The following FOXP1 variants were observed in gnomAD, a reference collection of about 807,000 sequenced individuals.
FOXP1 encodes the protein forkhead box P1.
FOXP1 carries 15 observed loss-of-function variants against 98.2 expected under a neutral mutation model. The observed-to-expected ratio is 0.15, with a 90% CI of 0.10 to 0.24. FOXP1 has a LOEUF of 0.24. FOXP1 is among the 10% of genes least tolerant of loss of function. The pLI, the probability that FOXP1 is intolerant of heterozygous loss-of-function variation, is 1.00. For missense variants in FOXP1, 633 were observed against 848.5 expected (o/e 0.75, Z 3.15); for synonymous variants, 371 against 314.5 (o/e 1.18, Z -1.90).
At chr3:71,271,285 C>T (rs1276900376) in intron 5 of FOXP1, among the ~76,000 whole-genome samples, 3 of 152,100 alleles carry the variant, frequency 2.0e-5, no homozygotes, top group African/African-American at 7.2e-5. Context: ...CTGTGGTAAA[C>T]AAATACAAAT....
chr3:71,428,759 T>C (rs914614778), intron 3 of FOXP1, among the ~76,000 whole-genome samples: 8 of 152,202 alleles, frequency 5.3e-5, no homozygotes, highest in South Asian at 2.1e-4. Context: ...TACAATGAGA[T>C]GTGGCCTGGA....
chr3:71,424,560 G>A (rs2083953827), intron 3 of FOXP1, among the ~76,000 whole-genome samples: 1 of 151,498 alleles, frequency 6.6e-6, no homozygotes, highest in Non-Finnish European at 1.5e-5. Context: ...GGACCACCAT[G>A]CCTAAGAATC....
intron 3 of FOXP1, among the ~76,000 whole-genome samples, chr3:71,370,550 CAG>C (rs1560383494): frequency 6.6e-6 from 1 of 152,186 alleles, no homozygotes; most frequent in Non-Finnish European, 1.5e-5. Flanking sequence ...GGCACTAGAA[CAG>C]AGTCACAAGA....
intron 6 of FOXP1, among the ~76,000 whole-genome samples, chr3:71,118,821 A>C (rs1481143669): frequency 6.6e-6 from 1 of 152,240 alleles, no homozygotes; most frequent in African/African-American, 2.4e-5. Context: ...TACCAATAAA[A>C]TTTTATTTGA....
At chr3:71,502,736 T>C (rs942534088) in intron 2 of FOXP1, among the ~76,000 whole-genome samples, 1 of 152,170 alleles carries the variant, frequency 6.6e-6, no homozygotes, top group African/African-American at 2.4e-5. Context: ...TAAGCCTCAG[T>C]TTCCCCAGTG....
chr3:71,001,403 G>C (rs2042109195), intron 12 of FOXP1, among the ~76,000 whole-genome samples: 1 of 152,210 alleles, frequency 6.6e-6, no homozygotes, highest in Non-Finnish European at 1.5e-5. Flanking sequence ...TATTTCGGAA[G>C]AGTCTAATTT....
At chr3:71,411,314 TGTGTATGTGTGTGTGTGA>T (rs889356029) in intron 3 of FOXP1, among the ~76,000 whole-genome samples, 8 of 140,308 alleles carry the variant, frequency 5.7e-5, no homozygotes, top group African/African-American at 2.1e-4. Context: ...TGTGTGTGTG[TGTGTATGTGTGTGTGTGA>T]GTGACGGAGT....
At chr3:71,069,115 G>A (rs1008148607) in intron 7 of FOXP1, among the ~76,000 whole-genome samples, 1 of 152,166 alleles carries the variant, frequency 6.6e-6, no homozygotes, top group Non-Finnish European at 1.5e-5. Context: ...TTTTTCTTCT[G>A]TGCCTGCAAG....
intron 3 of FOXP1, among the ~76,000 whole-genome samples, chr3:71,450,327 C>G (rs764232561): frequency 6.6e-6 from 1 of 152,214 alleles, no homozygotes; most frequent in Non-Finnish European, 1.5e-5. Context: ...ACTCTACATA[C>G]TGATAAGGAA....
chr3:71,061,445 G>A (rs1394984424), intron 7 of FOXP1, among the ~76,000 whole-genome samples: 2 of 152,044 alleles, frequency 1.3e-5, no homozygotes, highest in East Asian at 3.9e-4. Flanking sequence ...TTCTACTCAA[G>A]CATATATATA....
At chr3:71,460,618 T>C (rs1217643690) in intron 3 of FOXP1, among the ~76,000 whole-genome samples, 2 of 152,072 alleles carry the variant, frequency 1.3e-5, no homozygotes, top group Non-Finnish European at 2.9e-5. Flanking sequence ...TTTTGTATTT[T>C]AGTATACACG....
intron 5 of FOXP1, among the ~76,000 whole-genome samples, chr3:71,274,181 T>C (rs1421203100): frequency 1.3e-5 from 2 of 152,210 alleles, no homozygotes; most frequent in African/African-American, 4.8e-5. Flanking sequence ...TCTGCAGACA[T>C]GTTTTATTCA....
At chr3:71,465,083 G>A (rs992406461) in intron 3 of FOXP1, among the ~76,000 whole-genome samples, 3 of 152,012 alleles carry the variant, frequency 2.0e-5, no homozygotes, top group Admixed American at 6.6e-5. Context: ...CGAGGTAGGC[G>A]GATCACCTGA....
intron 5 of FOXP1, among the ~76,000 whole-genome samples, chr3:71,216,374 G>A (rs2064928199): frequency 6.6e-6 from 1 of 152,224 alleles, no homozygotes; most frequent in African/African-American, 2.4e-5. Context: ...AACAGGTGTA[G>A]ATTTGTGATG....
At chr3:71,062,303 T>C (rs904863287) in intron 7 of FOXP1, among the ~76,000 whole-genome samples, 2 of 152,212 alleles carry the variant, frequency 1.3e-5, no homozygotes, top group African/African-American at 2.4e-5. Context: ...CCCTGTCAAA[T>C]GAAAATTCAG....
At chr3:71,542,012 A>G (rs772046795) in intron 2 of FOXP1, 6 of 534,288 alleles carry the variant, frequency 1.1e-5, no homozygotes, top group South Asian at 2.8e-5. Flanking sequence ...CAATACAAAC[A>G]TGGGCTTTCC....
At chr3:71,216,822 G>T (rs183278515) in intron 5 of FOXP1, among the ~76,000 whole-genome samples, 1 of 152,230 alleles carries the variant, frequency 6.6e-6, no homozygotes, top group East Asian at 1.9e-4. Context: ...TCAACTGATG[G>T]TTAATTGTCC....
intron 4 of FOXP1, among the ~76,000 whole-genome samples, chr3:71,330,880 C>T (rs1474020163): frequency 6.6e-6 from 1 of 152,168 alleles, no homozygotes; most frequent in Non-Finnish European, 1.5e-5. Context: ...GAGAGCAAAA[C>T]CAAAAATCCA....
At chr3:71,116,963 G>T (rs1164545642) in intron 6 of FOXP1, among the ~76,000 whole-genome samples, 1 of 152,214 alleles carries the variant, frequency 6.6e-6, no homozygotes, top group Non-Finnish European at 1.5e-5. Context: ...TGGAATCTGT[G>T]TCAGAGACCT....
Sources: allele counts gnomAD v4.1 joint callset (sites outside exome capture counted in the v4.1 genomes callset), GRCh38; gene constraint gnomAD v4.1.1; transcripts MANE v1.5; gene names NCBI Gene and HGNC (gene_info 2026-07-23, HGNC 2026-07-21).